The following RNF38 variants were observed in gnomAD, a reference collection of about 807,000 sequenced individuals.
RNF38 encodes the protein E3 ubiquitin-protein ligase RNF38.
RNF38 carries 15 observed loss-of-function variants against 67.2 expected under a neutral mutation model. The ratio of observed to expected loss-of-function variants is 0.22; its 90% CI spans 0.15 to 0.34. The LOEUF is 0.34. RNF38 is among the 10% of genes least tolerant of loss of function. The pLI is 1.00. For missense variants in RNF38, 524 were observed against 639.9 expected, an observed-to-expected ratio of 0.82 and a Z score of 1.95; for synonymous variants, 220 against 218.8, an observed-to-expected ratio of 1.01 and a Z score of -0.05.
At chr9:36,370,850 A>G (rs1835324010) in intron 3 of RNF38, among the ~76,000 whole-genome samples, 1 of 140,388 alleles carries the variant, frequency 7.1e-6, no homozygotes, top group Non-Finnish European at 1.5e-5. Flanking sequence ...CCGAGGCTGT[A>G]GTGAGCTGAG....
chr9:36,379,689 A>G (rs898251384), intron 2 of RNF38, among the ~76,000 whole-genome samples: 2 of 152,248 alleles, frequency 1.3e-5, no homozygotes, highest in Non-Finnish European at 2.9e-5. Context: ...CAGGAATGGT[A>G]GTATAGGAAG....
At chr9:36,454,543 T>A (rs1405812631) in intron 1 of RNF38, among the ~76,000 whole-genome samples, 2 of 151,780 alleles carry the variant, frequency 1.3e-5, no homozygotes, top group African/African-American at 2.4e-5. Flanking sequence ...GAGAAAAAAA[T>A]TATGCCTAAT....
chr9:36,362,199 A>ATACAAACAATTAG (rs1834596359), intron 4 of RNF38, among the ~76,000 whole-genome samples: 1 of 152,072 alleles, frequency 6.6e-6, no homozygotes, highest in Admixed American at 6.6e-5. Flanking sequence ...TCTACTAAAA[A>ATACAAACAATTAG]TACAAACAAT....
chr9:36,348,050 T>C (rs1427528645), intron 9 of RNF38, among the ~76,000 whole-genome samples: 1 of 152,100 alleles, frequency 6.6e-6, no homozygotes, highest in African/African-American at 2.4e-5. Flanking sequence ...CACTCCAGCC[T>C]GGGCAACAGA....
At chr9:36,400,038 C>T in intron 1 of RNF38, 59 bp downstream of exon 1, 1 of 1,503,400 alleles carries the variant, frequency 6.7e-7, no homozygotes, top group Non-Finnish European at 9.2e-7. Context: ...ATTAGCATAC[C>T]CAACTTTTAC....
At chr9:36,404,184 C>T (rs1379893426), upstream of RNF38, among the ~76,000 whole-genome samples, 1 of 152,204 alleles carries the variant, frequency 6.6e-6, no homozygotes, top group South Asian at 2.1e-4. Context: ...CTACTTGACA[C>T]AGCATCATAT....
intron 9 of RNF38, among the ~76,000 whole-genome samples, chr9:36,348,797 G>T (rs1833489343): frequency 1.3e-5 from 2 of 152,248 alleles, no homozygotes; most frequent in Admixed American, 1.3e-4. Flanking sequence ...AGAAGCTGTA[G>T]CAAGTTACCC....
intron 1 of RNF38, among the ~76,000 whole-genome samples, chr9:36,463,486 T>C (rs1162461883): frequency 6.6e-6 from 1 of 152,160 alleles, no homozygotes; most frequent in Non-Finnish European, 1.5e-5. Flanking sequence ...CTCACAATTA[T>C]GCCATTCTGC....
At chr9:36,351,773 A>T (rs1833706066) in intron 8 of RNF38, among the ~76,000 whole-genome samples, 1 of 152,220 alleles carries the variant, frequency 6.6e-6, no homozygotes, top group African/African-American at 2.4e-5. Flanking sequence ...AGTTCTGGCC[A>T]ATGTGATACA....
intron 1 of RNF38, among the ~76,000 whole-genome samples, chr9:36,481,362 C>T (rs1455651908): frequency 6.6e-6 from 1 of 152,152 alleles, no homozygotes; most frequent in Non-Finnish European, 1.5e-5. Context: ...AATATACTCC[C>T]ATCATTCTAC....
chr9:36,342,927 G>T (rs186151965), intron 10 of RNF38, among the ~76,000 whole-genome samples: 1 of 152,160 alleles, frequency 6.6e-6, no homozygotes, highest in Admixed American at 6.5e-5. Context: ...TATTTGAGGG[G>T]GATTGATTTC....
chr9:36,393,619 T>C (rs933236828), intron 1 of RNF38, among the ~76,000 whole-genome samples: 3 of 151,820 alleles, frequency 2.0e-5, no homozygotes, highest in Non-Finnish European at 4.4e-5. Flanking sequence ...GGGCTGTGAA[T>C]GTGATGTATT....
chr9:36,358,015 G>T, intron 4 of RNF38, 73 bp from the exon 5 acceptor site: 3 of 1,282,028 alleles, frequency 2.3e-6, no homozygotes, highest in Non-Finnish European at 3.3e-6. Context: ...ATCAACATTT[G>T]GTCATTTATT....
intron 1 of RNF38, among the ~76,000 whole-genome samples, chr9:36,425,694 CA>C (rs1449436102): frequency 6.9e-6 from 1 of 145,882 alleles, no homozygotes; most frequent in Admixed American, 6.8e-5. Context: ...GACCCTGTTT[CA>C]AAAAAAAATG....
intron 2 of RNF38, among the ~76,000 whole-genome samples, chr9:36,421,747 A>T (rs1032846060): frequency 1.3e-5 from 2 of 152,214 alleles, no homozygotes; most frequent in African/African-American, 4.8e-5. Flanking sequence ...TCTGAGTTAG[A>T]CTATGAAGAA....
chr9:36,456,035 G>T (rs1035934555), intron 1 of RNF38, among the ~76,000 whole-genome samples: 3 of 152,024 alleles, frequency 2.0e-5, no homozygotes, highest in African/African-American at 7.2e-5. Context: ...GGAGTAAGAA[G>T]TTCCACCTGG....
chr9:36,487,636 G>A, upstream of RNF38: 2 of 946,522 alleles, frequency 2.1e-6, no homozygotes, highest in South Asian at 9.3e-5. Context: ...CCGGCCGGCA[G>A]CAGCGGTGGC....
chr9:36,347,335 T>C (rs1355881547), intron 9 of RNF38, among the ~76,000 whole-genome samples: 3 of 152,182 alleles, frequency 2.0e-5, no homozygotes, highest in African/African-American at 7.2e-5. Context: ...TGCGCTTTGC[T>C]TTACTGCATG....
At chr9:36,398,943 C>A (rs1297185492) in intron 1 of RNF38, among the ~76,000 whole-genome samples, 6 of 152,138 alleles carry the variant, frequency 3.9e-5, no homozygotes, top group African/African-American at 1.2e-4. Context: ...TTTCCACTCA[C>A]AGCCTCAAAA....
Sources: allele counts gnomAD v4.1 joint callset (sites outside exome capture counted in the v4.1 genomes callset), GRCh38; gene constraint gnomAD v4.1.1; transcripts MANE v1.5; gene names NCBI Gene and HGNC (gene_info 2026-07-23, HGNC 2026-07-21).